The following RELN variants were observed in gnomAD, a reference collection of about 807,000 sequenced individuals.
RELN encodes the protein reelin.
Under a neutral mutation model 427.6 loss-of-function variants are expected in RELN, and 108 were observed. The ratio of observed to expected loss-of-function variants is 0.25; its 90% CI spans 0.22 to 0.30. The LOEUF (loss-of-function observed/expected upper bound fraction) is 0.30, where lower values mean the gene tolerates loss of function less well. RELN is among the 10% of genes least tolerant of loss of function. The pLI is 1.00. For synonymous variants in RELN, 1,524 were observed against 1,513.4 expected (o/e 1.01, Z -0.16); for missense variants, 3,715 against 4,302.8 (o/e 0.86, Z 3.82).
intron 20 of RELN, among the ~76,000 whole-genome samples, chr7:103,624,362 G>T (rs143486151): frequency 3.0e-4 from 45 of 152,188 alleles, no homozygotes; most frequent in African/African-American, 1.1e-3. Flanking sequence ...GGAAAATCAG[G>T]CTTCAAAGAT....
chr7:103,746,859 T>C (rs1172173273), intron 6 of RELN, among the ~76,000 whole-genome samples: 1 of 151,932 alleles, frequency 6.6e-6, no homozygotes, highest in African/African-American at 2.4e-5. Context: ...AGTGTGGCGA[T>C]TCCTCAGGGA....
intron 10 of RELN, among the ~76,000 whole-genome samples, chr7:103,697,262 T>C (rs1336554905): frequency 1.3e-5 from 2 of 152,100 alleles, no homozygotes; most frequent in Non-Finnish European, 2.9e-5. Context: ...GATTTCAACA[T>C]ATGAATTCTG....
intron 10 of RELN, among the ~76,000 whole-genome samples, chr7:103,687,032 G>A (rs1486887010): frequency 6.6e-6 from 1 of 151,720 alleles, no homozygotes; most frequent in Non-Finnish European, 1.5e-5. Flanking sequence ...CTTAAGGAGT[G>A]TTTTTTTTCT....
At chr7:103,940,879 T>C (rs1479458857) in intron 1 of RELN, among the ~76,000 whole-genome samples, 2 of 152,198 alleles carry the variant, frequency 1.3e-5, no homozygotes, top group African/African-American at 2.4e-5. Context: ...ACTATTTCCT[T>C]CCTTTGTTAT....
intron 10 of RELN, among the ~76,000 whole-genome samples, chr7:103,693,371 G>A (rs2115755163): frequency 6.6e-6 from 1 of 151,954 alleles, no homozygotes; most frequent in African/African-American, 2.4e-5. Flanking sequence ...GGGAGGGAGA[G>A]CATTAGGACA....
At chr7:103,706,991 A>T (rs1834216714) in intron 8 of RELN, among the ~76,000 whole-genome samples, 1 of 152,068 alleles carries the variant, frequency 6.6e-6, no homozygotes, top group African/African-American at 2.4e-5. Context: ...TCATTTGTTT[A>T]TAGACAGGGG....
At position 103,955,903 on chromosome 7, in the gene RELN, C is replaced by T. The variant is rs763336079; in HGVS notation, c.226+33228G>A. On this transcript the variant is annotated intron_variant, in intron 1 of 64. Coordinates refer to ENST00000428762, the MANE Select transcript of RELN (RefSeq NM_005045.4). ...AAGCCTTGATTCAGACATTAAAACT[C>T]TCAGCTCCTAAGGTATGTATCAGAT... Among the ~76,000 whole-genome samples, 13 of 152,174 alleles carry T rather than the reference C, an allele frequency of 8.5e-5. 1 individual carries two copies. Among genetic ancestry groups the T allele is most frequent in the Non-Finnish European group, 1.8e-4 (12 of 68,024 alleles).
chr7:103,484,114 A>G (rs1828340915), intron 61 of RELN: 1 of 448,054 alleles, frequency 2.2e-6, no homozygotes, highest in Non-Finnish European at 4.1e-6. Context: ...TCCTGACCTC[A>G]GGTGATCCAC....
At chr7:103,539,027 AG>A in intron 45 of RELN, 50 bp downstream of exon 45, 1 of 1,609,088 alleles carries the variant, frequency 6.2e-7, no homozygotes, top group Non-Finnish European at 8.5e-7. Context: ...AGGCAGCCAC[AG>A]AAGCTCATGC....
intron 19 of RELN, among the ~76,000 whole-genome samples, chr7:103,630,435 A>C (rs1306792539): frequency 6.6e-6 from 1 of 152,160 alleles, no homozygotes; most frequent in Non-Finnish European, 1.5e-5. Flanking sequence ...GACAGTATTC[A>C]TCATAGTCTA....
intron 60 of RELN, among the ~76,000 whole-genome samples, 182 bp downstream of exon 60, chr7:103,489,560 T>C (rs556153520): frequency 6.6e-5 from 10 of 152,252 alleles, no homozygotes; most frequent in Non-Finnish European, 1.5e-4. Context: ...TTCAGGAATA[T>C]TGCATAAATC....
At chr7:103,954,721 A>T (rs59587807) in intron 1 of RELN, among the ~76,000 whole-genome samples, 4,248 of 152,340 alleles carry the variant, frequency 0.028, 196 homozygotes, top group African/African-American at 0.095. Context: ...TAATTAGGTT[A>T]TCAAAGTGCT....
intron 2 of RELN, among the ~76,000 whole-genome samples, chr7:103,888,150 A>G (rs1045322502): frequency 3.9e-5 from 6 of 152,148 alleles, no homozygotes; most frequent in African/African-American, 1.4e-4. Context: ...TCAAAAATTT[A>G]TACAAATGCT....
intron 2 of RELN, among the ~76,000 whole-genome samples, chr7:103,857,616 T>G (rs1793976883): frequency 6.6e-6 from 1 of 152,176 alleles, no homozygotes; most frequent in African/African-American, 2.4e-5. Flanking sequence ...TCTGCCTGCA[T>G]ATGGTGAGTA....
At chr7:103,487,050 TA>T (rs528234056) in intron 60 of RELN, among the ~76,000 whole-genome samples, 152 of 152,256 alleles carry the variant, frequency 1.0e-3, no homozygotes, top group African/African-American at 3.5e-3. Flanking sequence ...ATGTGGCACA[TA>T]AACACCATGG....
chr7:103,928,867 A>G (rs147180820), intron 1 of RELN, among the ~76,000 whole-genome samples: 51 of 152,330 alleles, frequency 3.3e-4, no homozygotes, highest in African/African-American at 1.1e-3. Context: ...GTTCTTGGCA[A>G]ACAAGGTCAC....
chr7:103,867,798 G>A (rs1794234849), intron 2 of RELN, among the ~76,000 whole-genome samples: 2 of 151,760 alleles, frequency 1.3e-5, no homozygotes, highest in South Asian at 4.2e-4. Flanking sequence ...TCATTTTACA[G>A]AATAGTAAGA....
intron 16 of RELN, 28 bp downstream of exon 16, chr7:103,650,246 T>C (rs1420593206): frequency 2.4e-6 from 3 of 1,271,704 alleles, no homozygotes; most frequent in Admixed American, 1.7e-5. Context: ...ATCAATGGCA[T>C]GTGATTATGA....
At chr7:103,809,324 TG>T (rs1455845165) in intron 3 of RELN, among the ~76,000 whole-genome samples, 2 of 151,540 alleles carry the variant, frequency 1.3e-5, no homozygotes, top group African/African-American at 4.9e-5. Context: ...GTAACAAAAG[TG>T]GGGGTGAGGG....
Sources: gnomAD v4.1 joint callset for allele counts (sites outside exome capture counted in the v4.1 genomes callset) on GRCh38, gnomAD v4.1.1 for gene constraint, MANE v1.5 for transcripts, NCBI Gene and HGNC (gene_info 2026-07-23, HGNC 2026-07-21) for gene names.